DTL: variants seen among roughly 807,000 people sequenced by gnomAD.
The protein encoded by DTL is denticleless E3 ubiquitin protein ligase adapter.
DTL carries 46 observed loss-of-function variants against 87.0 expected under a neutral mutation model. The ratio of observed to expected loss-of-function variants is 0.53; its 90% confidence interval spans 0.42 to 0.68. The LOEUF (loss-of-function observed/expected upper bound fraction) is 0.68, where lower values mean the gene tolerates loss of function less well. Ranked by LOEUF, DTL falls within the 30% of genes least tolerant of loss-of-function variation. The pLI, the probability that DTL is intolerant of heterozygous loss-of-function variation, is 0.00. For synonymous variants in DTL, 308 were observed against 311.2 expected, an observed-to-expected ratio of 0.99 and a Z score of 0.11; for missense variants, 737 against 869.4, an observed-to-expected ratio of 0.85 and a Z score of 1.91.
At position 212,067,529 on chromosome 1, in the gene DTL, A is replaced by G. The variant is rs75405495; in HGVS notation, c.713+644A>G. Among the ~76,000 whole-genome samples the G allele has an allele frequency of 2.1e-3, 322 of 152,270 alleles. 2 individuals carry two copies. Among genetic ancestry groups the G allele is most frequent in the African/African-American group, 7.4e-3 (308 of 41,546 alleles). ...AAGGCATCCTTCTCTTAAAATTTTT[A>G]ATTTAAAAGATGATGGCTTACCAAA... On this transcript the variant is annotated intron_variant, in intron 8 of 14. Transcript: ENST00000366991.
rs17018426 is a variant in DTL, at chr1:212,068,888, C to G, written c.922+185C>G. On this transcript the variant is annotated intron_variant, in intron 10 of 14. Coordinates refer to ENST00000366991, the MANE Select transcript of DTL (RefSeq NM_016448.4). ...TCCTTGTGATGATTTCATAAGTTAG[C>G]TGAATTGTGCTTTACATGGTGACTT... is the stretch of plus-strand genomic sequence containing the variant. Among the ~76,000 whole-genome samples, 3,993 of 152,268 alleles carry G rather than the reference C, an allele frequency of 0.026. 58 individuals are homozygous for G. Among genetic ancestry groups the G allele is most frequent in the African/African-American group, 0.047 (1,933 of 41,560 alleles).
intron 5 of DTL, among the ~76,000 whole-genome samples, chr1:212,060,487 G>A (rs1173855319): frequency 6.6e-6 from 1 of 152,108 alleles, no homozygotes; most frequent in Non-Finnish European, 1.5e-5. Flanking sequence ...TGTAATCCTA[G>A]CACTTTGGGA....
chr1:212,065,091 G>A, intron 7 of DTL, 62 bp downstream of exon 7: 1 of 1,196,594 alleles, frequency 8.4e-7, no homozygotes, highest in Non-Finnish European at 1.2e-6. Flanking sequence ...ATAAATGGGA[G>A]GCTATTGATT....
intron 13 of DTL, among the ~76,000 whole-genome samples, chr1:212,089,439 T>A (rs1182892266): frequency 6.6e-6 from 1 of 152,244 alleles, no homozygotes; most frequent in African/African-American, 2.4e-5. Context: ...TGGGGTTTTT[T>A]AAGGTCTGAT....
chr1:212,093,142 C>G (rs954962097), intron 13 of DTL, among the ~76,000 whole-genome samples: 3 of 151,946 alleles, frequency 2.0e-5, no homozygotes, highest in Non-Finnish European at 2.9e-5. Flanking sequence ...TCCCTTGTCC[C>G]CCTTGCAGGG....
At chr1:212,047,683 A>G (rs143708495) in intron 5 of DTL, among the ~76,000 whole-genome samples, 1 of 152,070 alleles carries the variant, frequency 6.6e-6, no homozygotes, top group South Asian at 2.1e-4. Flanking sequence ...CTACAGGCGC[A>G]CATCACCATG....
chr1:212,036,062 A>G, intron 1 of DTL, 120 bp downstream of exon 1: 2 of 933,658 alleles, frequency 2.1e-6, no homozygotes, highest in Non-Finnish European at 3.4e-6. Context: ...CTCCCATGGC[A>G]AGGGTAAATT....
intron 5 of DTL, among the ~76,000 whole-genome samples, chr1:212,057,929 T>C (rs770800855): frequency 1.3e-5 from 2 of 152,136 alleles, no homozygotes; most frequent in African/African-American, 2.4e-5. Context: ...CAAGAATAGC[T>C]ATACTTACAT....
chr1:212,066,661 C>G (rs993456003), intron 7 of DTL, 151 bp from the exon 8 acceptor site: 29 of 597,610 alleles, frequency 4.9e-5, no homozygotes, highest in Non-Finnish European at 8.3e-5. Flanking sequence ...AAAATTACCT[C>G]TTGGTCAGCA....
intron 5 of DTL, among the ~76,000 whole-genome samples, chr1:212,057,950 A>C (rs528562704): frequency 6.6e-6 from 1 of 152,324 alleles, no homozygotes; most frequent in East Asian, 1.9e-4. Context: ...CAGATAAAAC[A>C]GACTTTATGT....
chr1:212,056,822 C>T (rs1011695705), intron 5 of DTL, among the ~76,000 whole-genome samples: 3 of 151,958 alleles, frequency 2.0e-5, no homozygotes, highest in African/African-American at 7.3e-5. Context: ...AATTCTGGAA[C>T]TACAGAATTC....
intron 5 of DTL, 23 bp downstream of exon 5, chr1:212,047,440 T>C: frequency 6.2e-7 from 1 of 1,614,060 alleles, no homozygotes; most frequent in Non-Finnish European, 8.5e-7. Flanking sequence ...TTATCTTCTT[T>C]CATCTCCTTA....
At chr1:212,036,345 GTGCTA>G (rs2102518449) in intron 1 of DTL, among the ~76,000 whole-genome samples, 1 of 152,266 alleles carries the variant, frequency 6.6e-6, no homozygotes, top group Non-Finnish European at 1.5e-5. Flanking sequence ...GCCCAGCTAT[GTGCTA>G]TAGGTATATA....
chr1:212,035,966 C>T (rs1329141010), intron 1 of DTL, 24 bp downstream of exon 1: 1 of 1,612,908 alleles, frequency 6.2e-7, no homozygotes, highest in Non-Finnish European at 8.5e-7. Context: ...CCAACCGCTG[C>T]TCGGAGCTGG....
intron 13 of DTL, among the ~76,000 whole-genome samples, chr1:212,083,808 G>A (rs964631540): frequency 5.3e-5 from 8 of 152,112 alleles, no homozygotes; most frequent in Non-Finnish European, 8.8e-5. Flanking sequence ...CTGTATACTT[G>A]TACTTACATG....
chr1:212,102,487 A>G (rs902370905), intron 14 of DTL, among the ~76,000 whole-genome samples: 2 of 152,230 alleles, frequency 1.3e-5, no homozygotes, highest in African/African-American at 4.8e-5. Context: ...GAAGAGAGTA[A>G]CATCTTCCAT....
At chr1:212,049,616 C>G (rs530513071) in intron 5 of DTL, among the ~76,000 whole-genome samples, 20 of 152,238 alleles carry the variant, frequency 1.3e-4, no homozygotes, top group African/African-American at 4.8e-4. Context: ...GTAAATTAGT[C>G]TGATCGGATA....
chr1:212,100,191 G>A, intron 13 of DTL, 61 bp from the exon 14 acceptor site: 1 of 1,338,476 alleles, frequency 7.5e-7, no homozygotes, highest in Non-Finnish European at 1.0e-6. Context: ...TTCTTGATGA[G>A]AATTTAGGGA....
At chr1:212,072,337 T>C in intron 11 of DTL, 124 bp downstream of exon 11, 1 of 733,428 alleles carries the variant, frequency 1.4e-6, no homozygotes, top group Non-Finnish European at 2.3e-6. Context: ...AGATATTTAG[T>C]AAAGGTTGCT....
Sources: gnomAD v4.1 joint callset for allele counts (sites outside exome capture counted in the v4.1 genomes callset) on GRCh38, gnomAD v4.1.1 for gene constraint, MANE v1.5 for transcripts, NCBI Gene and HGNC (gene_info 2026-07-23, HGNC 2026-07-21) for gene names.